The following PWWP3A variants were observed in gnomAD, a reference collection of about 807,000 sequenced individuals.
PWWP3A encodes the protein PWWP domain containing 3A, DNA repair factor.
A neutral mutation model predicts 79.0 loss-of-function variants in PWWP3A; 53 were observed. The observed-to-expected ratio is 0.67, with a 90% CI of 0.54 to 0.84. PWWP3A has a LOEUF of 0.84. Among genes scored for constraint, PWWP3A ranks in the 40% least tolerant of loss-of-function variants. The pLI is 0.00. For missense variants in PWWP3A, 973 were observed against 948.0 expected (o/e 1.03, Z -0.35); for synonymous variants, 443 against 394.4 (o/e 1.12, Z -1.46).
intron 6 of PWWP3A, among the ~76,000 whole-genome samples, chr19:1,363,191 C>T (rs912600957): frequency 1.3e-5 from 2 of 152,216 alleles, no homozygotes; most frequent in African/African-American, 2.4e-5. Flanking sequence ...ACTTGCGTGC[C>T]GGTGGCCTTG....
Position 1,360,572 on chromosome 19 carries a change from G to A in PWWP3A, c.651G>A (p.Arg217=), listed in dbSNP as rs1003719005. Residue 217 remains arginine, a synonymous_variant, in exon 5 of 14, where the codon AGG becomes AGA. Coordinates refer to ENST00000591337, the MANE Select transcript of PWWP3A (RefSeq NM_001369789.1). The surrounding 1 kb of genome is among the most constrained non-coding windows in gnomAD (Gnocchi z 4.4). ...HHKNWTLASK[R]GGNSAQKASL... ...AAAATTGGACTCTTGCAAGTAAGAG[G>A]GGAGGAAACTCAGCGCAGAAGGCTA... 1 of 1,614,210 alleles carries A rather than the reference G, an allele frequency of 6.2e-7. No homozygotes were observed. Among genetic ancestry groups the A allele is most frequent in the South Asian group, 1.1e-5 (1 of 91,086 alleles).
chr19:1,371,193 C>A (rs1299528796), intron 12 of PWWP3A, 115 bp downstream of exon 12: 1 of 1,246,564 alleles, frequency 8.0e-7, no homozygotes. Flanking sequence ...CGTTCGGCGG[C>A]CAACGGAGCG....
chr19:1,363,417 C>T (rs1240943896), intron 6 of PWWP3A, among the ~76,000 whole-genome samples: 1 of 152,206 alleles, frequency 6.6e-6, no homozygotes. Flanking sequence ...TGGATGGTCC[C>T]AGGACCGCAG....
rs897359692 is a variant in PWWP3A, at chr19:1,376,907, G to A, written c.*331G>A. On this transcript the variant is annotated 3_prime_UTR_variant, in exon 14 of 14. Coordinates refer to ENST00000591337, the MANE Select transcript of PWWP3A (RefSeq NM_001369789.1). ...TGTGGTTTCTCCCGACGTGCACATC[G>A]ATCTCGTATGTGTGGCATCTGATAT... The A allele has an allele frequency of 4.5e-6, 1 of 222,712 alleles. No homozygotes were observed. Among genetic ancestry groups the A allele is most frequent in the Non-Finnish European group, 8.7e-6 (1 of 114,416 alleles). The allele number at this position is 222,712 out of a possible 1,614,324, so 13.8% of individuals were successfully genotyped here.
chr19:1,355,695 A>T (rs1408105074), intron 1 of PWWP3A, among the ~76,000 whole-genome samples: 2 of 148,762 alleles, frequency 1.3e-5, no homozygotes, highest in African/African-American at 5.0e-5. Flanking sequence ...TGCTGCTGTG[A>T]TCCCCTCTCT....
At chr19:1,370,575 C>T in intron 11 of PWWP3A, 67 bp from the exon 12 acceptor site, 1 of 1,390,702 alleles carries the variant, frequency 7.2e-7, no homozygotes, top group East Asian at 2.6e-5. Flanking sequence ...TCCCATCGGC[C>T]CTGACCCACA....
intron 3 of PWWP3A, chr19:1,358,145 T>C (rs1415619020): frequency 2.1e-6 from 1 of 473,962 alleles, no homozygotes; most frequent in Non-Finnish European, 3.7e-6. Flanking sequence ...CAATTTGAAT[T>C]CATTTTTGCT....
At position 1,375,834 on chromosome 19, in the gene PWWP3A, C is replaced by G. The variant is rs1167388475; in HGVS notation, c.2076-685C>G. 2.3e-5 allele frequency among the ~76,000 whole-genome samples: 3 copies of G among 131,966 alleles called. No individual in the cohort carries two copies. In the East Asian group the frequency reaches 6.4e-4, roughly 28 times the overall value. 86.6% of individuals were successfully genotyped at this position (131,966 alleles called of 152,430 possible). A position where few individuals can be genotyped will look rare whatever the true frequency, so the allele number is the denominator to read the frequency against. ...TATTTTTTTTTTTTTGAGACAGAGT[C>G]TTGCTCTGTCACCCAGGCTGGAGTG... is the stretch of plus-strand genomic sequence containing the variant. On this transcript the variant is annotated intron_variant, in intron 13 of 13. Coordinates refer to ENST00000591337, the MANE Select transcript of PWWP3A (RefSeq NM_001369789.1).
intron 13 of PWWP3A, among the ~76,000 whole-genome samples, chr19:1,375,308 A>T (rs1237672828): frequency 1.3e-5 from 2 of 149,284 alleles, no homozygotes; most frequent in Non-Finnish European, 3.0e-5. Context: ...GAGCACTTTC[A>T]CAGTGCTATG....
chr19:1,358,744 C>T (rs1055225476), intron 4 of PWWP3A: 65 of 1,304,990 alleles, frequency 5.0e-5, no homozygotes, highest in Non-Finnish European at 6.3e-5. Flanking sequence ...CTCCAGTACA[C>T]AAGACGAGGA....
At chr19:1,372,443 G>C (rs549017199) in intron 12 of PWWP3A, 1 of 152,162 alleles carries the variant, frequency 6.6e-6, no homozygotes, top group Non-Finnish European at 1.5e-5. Flanking sequence ...TGTGTATTCA[G>C]GATACTCTTT....
At chr19:1,371,612 GT>G in intron 12 of PWWP3A, 1 of 582,136 alleles carries the variant, frequency 1.7e-6, no homozygotes. Context: ...TGATTTTGAA[GT>G]TTGTATCTGA....
chr19:1,361,953 C>T (rs2082025686), intron 5 of PWWP3A: 2 of 284,212 alleles, frequency 7.0e-6, no homozygotes, highest in South Asian at 4.2e-5. Context: ...AAGGGATTCC[C>T]ACCCAGGGTG....
rs913948285 is a variant in PWWP3A at position 1,377,431 on chromosome 19, G to A, written c.*855G>A. 16 of 152,376 alleles carry A rather than the reference G, an allele frequency of 1.1e-4. No individual in the cohort carries two copies. The highest frequency in any genetic ancestry group is 3.9e-4 in the African/African-American group (16 of 41,456). 9.4% of individuals were successfully genotyped at this position (152,376 alleles called of 1,614,324 possible). ...AGGGTCACTGTGGGAGCCCTGGGGT[G>A]GAGTGACAAACCGCATTGTCCTGTG... On this transcript the variant is annotated 3_prime_UTR_variant, in exon 14 of 14. Transcript: ENST00000591337.
chr19:1,356,520 G>C (rs1164490454), intron 2 of PWWP3A, 71 bp downstream of exon 2: 2 of 1,206,678 alleles, frequency 1.7e-6, no homozygotes, highest in Non-Finnish European at 2.4e-6. Context: ...TCTTGATCAG[G>C]AGATACCTAG....
rs1332970987 is a variant in PWWP3A at position 1,355,864 on chromosome 19, TGCAGC to T, written c.-69-459_-69-455del. On this transcript the variant is annotated intron_variant, in intron 1 of 13. Transcript: ENST00000591337. ...CTTCCCATTGATGCTGTGAACGGTCTGCAGCTGTCCCCGTTCTTTCAGGGACATGG... is the reference window on the plus strand; with the variant it reads ...CTTCCCATTGATGCTGTGAACGGTCTTGTCCCCGTTCTTTCAGGGACATGG... Among the ~76,000 whole-genome samples the T allele has an allele frequency of 2.0e-5, 3 of 151,932 alleles. 1 individual carries two copies. The highest frequency in any genetic ancestry group is 4.2e-4 in the South Asian group (2 of 4,770).
chr19:1,365,672 T>C (rs896732867), intron 7 of PWWP3A, among the ~76,000 whole-genome samples: 1 of 152,228 alleles, frequency 6.6e-6, no homozygotes, highest in Non-Finnish European at 1.5e-5. Context: ...ACTGGTTTCC[T>C]CTCCCGCACC....
At chr19:1,359,990 A>G (rs1961295198) in intron 4 of PWWP3A, 146 bp from the exon 5 acceptor site, 4 of 741,262 alleles carry the variant, frequency 5.4e-6, no homozygotes, top group Non-Finnish European at 7.9e-6. Flanking sequence ...GGGAAAATGT[A>G]GGTGAGAAAT....
At chr19:1,355,435 C>T (rs1318978732) in intron 1 of PWWP3A, among the ~76,000 whole-genome samples, 9 of 147,370 alleles carry the variant, frequency 6.1e-5, no homozygotes, top group African/African-American at 1.8e-4. Flanking sequence ...TCACGTCTGC[C>T]GTGAACCCCA....
Sources: allele counts gnomAD v4.1 joint callset (sites outside exome capture counted in the v4.1 genomes callset), GRCh38; gene constraint gnomAD v4.1.1; non-coding constraint Gnocchi (gnomAD v3.1); transcripts MANE v1.5; gene names NCBI Gene and HGNC (gene_info 2026-07-23, HGNC 2026-07-21).